PLCL2: variants seen among roughly 807,000 people sequenced by gnomAD.
The protein encoded by PLCL2 is phospholipase C like 2.
A neutral mutation model predicts 79.6 loss-of-function variants in PLCL2; 4 were observed. That is an observed-to-expected ratio of 0.05 (90% CI 0.02 to 0.11). The LOEUF is 0.11. Among genes scored for constraint, PLCL2 ranks in the 10% least tolerant of loss-of-function variants. The probability of loss-of-function intolerance (pLI) is 1.00; values close to 1 mark genes in which losing one functional copy is unlikely to be tolerated. For missense variants in PLCL2, 895 were observed against 1,291.0 expected (o/e 0.69, Z 4.70); for synonymous variants, 484 against 457.7 (o/e 1.06, Z -0.73).
At position 16,911,861 on chromosome 3, in the gene PLCL2, T is replaced by G. The variant is rs368997258; in HGVS notation, c.327+26495T>G. On this transcript the variant is annotated intron_variant, in intron 1 of 5. Transcript: ENST00000615277. ...CAACATGATACCACAAGTGGAAAAT[T>G]CCATACCCTAACAGCACCTTTGCTT... 5.9e-5 allele frequency among the ~76,000 whole-genome samples: 9 copies of G among 152,340 alleles called. 1 individual carries two copies. The highest frequency in any genetic ancestry group is 6.5e-5 in the Admixed American group (1 of 15,304).
chr3:16,990,965 G>A (rs998410131), intron 1 of PLCL2, among the ~76,000 whole-genome samples: 2 of 152,248 alleles, frequency 1.3e-5, no homozygotes, highest in Admixed American at 1.3e-4. Context: ...TAGAGAGACA[G>A]GGAGCAGGTG....
At chr3:16,896,684 T>A (rs1408774776) in intron 1 of PLCL2, among the ~76,000 whole-genome samples, 1 of 151,914 alleles carries the variant, frequency 6.6e-6, no homozygotes, top group East Asian at 1.9e-4. Context: ...AAATGGAGAG[T>A]TGTTTGATCA....
chr3:16,997,219 A>G (rs1337257094), intron 1 of PLCL2, among the ~76,000 whole-genome samples: 1 of 152,244 alleles, frequency 6.6e-6, no homozygotes, highest in Non-Finnish European at 1.5e-5. Flanking sequence ...CAGAGGCTAT[A>G]GAAGATAAGG....
At chr3:17,074,087 G>A (rs767519650) in intron 5 of PLCL2, among the ~76,000 whole-genome samples, 10 of 152,144 alleles carry the variant, frequency 6.6e-5, no homozygotes, top group Non-Finnish European at 1.5e-4. Context: ...ACTTTACCCC[G>A]ATTCATCAGA....
intron 1 of PLCL2, among the ~76,000 whole-genome samples, chr3:16,972,189 G>T (rs1229158891): frequency 1.3e-5 from 2 of 152,132 alleles, no homozygotes; most frequent in African/African-American, 2.4e-5. Context: ...GGGCAATTAG[G>T]CAGGAGAAGG....
chr3:17,066,608 A>T (rs1357214975), intron 4 of PLCL2, among the ~76,000 whole-genome samples: 1 of 152,246 alleles, frequency 6.6e-6, no homozygotes, highest in Non-Finnish European at 1.5e-5. Flanking sequence ...TGTAATAGCA[A>T]AAGTTTTTAA....
rs1342040087 is a variant in PLCL2, at chr3:17,009,666, C to T, written c.328-8C>T. Reference sequence around the variant, plus strand: ...TTATTCTAATATACGGTCTTTTTTTCCTCTCAGGATGGTACAAAACAGAAG... The same window carrying T: ...TTATTCTAATATACGGTCTTTTTTTTCTCTCAGGATGGTACAAAACAGAAG... On this transcript the variant is annotated splice_region_variant and splice_polypyrimidine_tract_variant and intron_variant, in intron 1 of 5. Coordinates refer to ENST00000615277, the MANE Select transcript of PLCL2 (RefSeq NM_001144382.2). The surrounding 1 kb of genome is among the most constrained non-coding windows in gnomAD (Gnocchi z 4.0). The T allele has an allele frequency of 2.1e-6, 3 of 1,454,282 alleles. No homozygotes were observed. The highest frequency in any genetic ancestry group is 1.4e-5 in the African/African-American group (1 of 70,188). The allele number at this position is 1,454,282 out of a possible 1,614,324, so 90.1% of individuals were successfully genotyped here.
chr3:16,965,527 C>G (rs1350731763), intron 1 of PLCL2, among the ~76,000 whole-genome samples: 1 of 151,598 alleles, frequency 6.6e-6, no homozygotes, highest in African/African-American at 2.4e-5. Flanking sequence ...TCCATATGAA[C>G]TTTAAAGTAG....
At chr3:17,016,526 G>C (rs577936645) in intron 3 of PLCL2, among the ~76,000 whole-genome samples, 9 of 152,178 alleles carry the variant, frequency 5.9e-5, no homozygotes, top group Non-Finnish European at 1.3e-4. Context: ...TGTGCTGAGT[G>C]CCAAAGGGGT....
intron 1 of PLCL2, among the ~76,000 whole-genome samples, chr3:17,005,797 G>C (rs565341183): frequency 8.5e-5 from 13 of 152,240 alleles, no homozygotes; most frequent in Admixed American, 7.8e-4. Flanking sequence ...TTGGAAGCCG[G>C]TTTTCTTGCA....
intron 3 of PLCL2, among the ~76,000 whole-genome samples, chr3:17,018,534 A>G (rs929565299): frequency 1.3e-5 from 2 of 151,236 alleles, no homozygotes; most frequent in African/African-American, 4.9e-5. Context: ...ATACCTATCT[A>G]CTTTTTTTCA....
At chr3:16,925,061 C>CT (rs1424310910) in intron 1 of PLCL2, among the ~76,000 whole-genome samples, 1 of 151,802 alleles carries the variant, frequency 6.6e-6, no homozygotes, top group Non-Finnish European at 1.5e-5. Context: ...GTAGCTGGGA[C>CT]TACAGGTGCC....
At position 17,010,305 on chromosome 3, in the gene PLCL2, A is replaced by G. The variant is rs1206850159; in HGVS notation, c.959A>G (p.Asp320Gly). 3 of 1,614,000 alleles carry G rather than the reference A, an allele frequency of 1.9e-6. No homozygotes were observed. The highest frequency in any genetic ancestry group is 1.3e-5 in the African/African-American group (1 of 74,924). ...LKFKELHKSKDKAGTEVTKEE... is the reference protein window; with the variant it reads ...LKFKELHKSKGKAGTEVTKEE... ...TTCAAAGAATTGCATAAATCAAAGG[A>G]CAAAGCTGGTACCGAGGTCACAAAG... Residue 320 changes from aspartate (D) to glycine (G), a missense_variant, in exon 2 of 6, where the codon GAC becomes GGC. By Grantham distance (94) the Asp-to-Gly change is moderately conservative (BLOSUM62 -1). Around this residue, in one of 6 missense-constraint regions of PLCL2, gnomAD observed 93 missense variants for 93.2 expected, o/e 1.00. Coordinates refer to ENST00000615277, the MANE Select transcript of PLCL2 (RefSeq NM_001144382.2). This position sits in a 1 kb window ranked among gnomAD's most constrained non-coding sequence, Gnocchi z 5.8.
chr3:17,028,863 C>T (rs994829026), intron 3 of PLCL2, among the ~76,000 whole-genome samples: 1 of 152,126 alleles, frequency 6.6e-6, no homozygotes, highest in Admixed American at 6.6e-5. Flanking sequence ...ACAGCAGAAC[C>T]TGGCACACAG....
intron 2 of PLCL2, among the ~76,000 whole-genome samples, chr3:17,014,410 G>A (rs1256259112): frequency 6.6e-6 from 1 of 151,878 alleles, no homozygotes; most frequent in Non-Finnish European, 1.5e-5. Context: ...TTGCATATCC[G>A]CATCAGCACT....
At chr3:17,049,444 C>CA (rs1211939151) in intron 4 of PLCL2, among the ~76,000 whole-genome samples, 1 of 152,028 alleles carries the variant, frequency 6.6e-6, no homozygotes, top group Non-Finnish European at 1.5e-5. Flanking sequence ...AAGACTCCAC[C>CA]AAAAATCTGT....
chr3:16,968,755 TTTTA>T (rs1051207242), intron 1 of PLCL2, among the ~76,000 whole-genome samples: 86 of 152,180 alleles, frequency 5.7e-4, no homozygotes, highest in African/African-American at 1.7e-3. Context: ...TTTGGATGCC[TTTTA>T]TTTCTTTCTC....
intron 5 of PLCL2, among the ~76,000 whole-genome samples, chr3:17,073,158 CTA>C (rs1163914617): frequency 1.3e-5 from 2 of 152,144 alleles, no homozygotes; most frequent in Non-Finnish European, 2.9e-5. Flanking sequence ...GCACAAAATC[CTA>C]TGAGTTTTGA....
chr3:16,920,362 G>T (rs1697096632), intron 1 of PLCL2, among the ~76,000 whole-genome samples: 1 of 151,780 alleles, frequency 6.6e-6, no homozygotes, highest in Non-Finnish European at 1.5e-5. Flanking sequence ...TTCTTTTATA[G>T]ATGATATAAT....
Sources: allele counts gnomAD v4.1 joint callset (sites outside exome capture counted in the v4.1 genomes callset), GRCh38; gene constraint gnomAD v4.1.1; regional missense constraint gnomAD v4.1.1; non-coding constraint Gnocchi (gnomAD v3.1); transcripts MANE v1.5; gene names NCBI Gene and HGNC (gene_info 2026-07-23, HGNC 2026-07-21).